The following PLCB4 variants were observed in gnomAD, a reference collection of about 807,000 sequenced individuals.
PLCB4 encodes the protein phospholipase C beta 4, also known as 1-phosphatidylinositol 4,5-bisphosphate phosphodiesterase beta-4.
A neutral mutation model predicts 178.8 loss-of-function variants in PLCB4; 77 were observed. The observed-to-expected ratio is 0.43, with a 90% CI of 0.36 to 0.52. PLCB4 has a LOEUF of 0.52. PLCB4 is among the 20% of genes least tolerant of loss of function. PLCB4 has a pLI of 0.00. For synonymous variants in PLCB4, 496 were observed against 490.8 expected (o/e 1.01, Z -0.14); for missense variants, 1,024 against 1,453.4 (o/e 0.70, Z 4.80).
At chr20:9,126,494 T>C (rs1055459886) in intron 2 of PLCB4, among the ~76,000 whole-genome samples, 1 of 152,234 alleles carries the variant, frequency 6.6e-6, no homozygotes, top group Admixed American at 6.5e-5. Flanking sequence ...GTAGATCGTA[T>C]ACTTCATATT....
chr20:9,320,234 C>T (rs1390866430), intron 4 of PLCB4, among the ~76,000 whole-genome samples: 1 of 152,190 alleles, frequency 6.6e-6, no homozygotes, highest in African/African-American at 2.4e-5. Context: ...ATTCCTGGAA[C>T]TGAGGGTTCC....
intron 4 of PLCB4, among the ~76,000 whole-genome samples, chr20:9,323,525 C>T (rs987776277): frequency 3.9e-5 from 6 of 152,186 alleles, no homozygotes; most frequent in African/African-American, 1.4e-4. Flanking sequence ...TTATCTGAGA[C>T]TGAAATTCAT....
chr20:9,317,958 G>A (rs1054587561), intron 4 of PLCB4, among the ~76,000 whole-genome samples: 1 of 151,986 alleles, frequency 6.6e-6, no homozygotes, highest in African/African-American at 2.4e-5. Flanking sequence ...AATTAGCTGG[G>A]CTTGGTTGCA....
intron 3 of PLCB4, among the ~76,000 whole-genome samples, chr20:9,232,507 C>A (rs1334073325): frequency 6.6e-6 from 1 of 152,068 alleles, no homozygotes; most frequent in Non-Finnish European, 1.5e-5. Context: ...AGAGTCTCAT[C>A]ATATTATATA....
intron 2 of PLCB4, among the ~76,000 whole-genome samples, chr20:9,105,143 C>A (rs1006053966): frequency 1.3e-5 from 2 of 152,010 alleles, no homozygotes; most frequent in Non-Finnish European, 2.9e-5. Context: ...ATTAAAATTG[C>A]TGGTTAGCCG....
intron 20 of PLCB4, among the ~76,000 whole-genome samples, chr20:9,402,674 A>G (rs894956382): frequency 3.3e-5 from 5 of 152,206 alleles, no homozygotes; most frequent in Admixed American, 6.5e-5. Flanking sequence ...CAGACAATGC[A>G]TCAGAGAGGA....
chr20:9,159,277 T>C (rs1466613684), intron 2 of PLCB4, among the ~76,000 whole-genome samples: 1 of 152,200 alleles, frequency 6.6e-6, no homozygotes, highest in Non-Finnish European at 1.5e-5. Context: ...CAGATACTTA[T>C]TGGTTGAAAC....
In PLCB4 at chr20:9,162,669, GT is replaced by G. The variant is rs748201514; in HGVS notation, c.-78-54714del. Reference sequence around the variant, plus strand: ...TCCTAGAATGTACAACATCCTCCATGTTTTTTTCTTTCTATAATTTACATTT... The same window carrying G: ...TCCTAGAATGTACAACATCCTCCATGTTTTTTCTTTCTATAATTTACATTT... On this transcript the variant is annotated intron_variant, in intron 2 of 39. Transcript: ENST00000378473. 3.3e-5 allele frequency among the ~76,000 whole-genome samples: 5 copies of G among 151,988 alleles called. No individual in the cohort carries two copies. In the East Asian group the frequency reaches 7.7e-4, roughly 24 times the overall value.
At chr20:9,436,493 A>G (rs2041779698) in intron 29 of PLCB4, among the ~76,000 whole-genome samples, 1 of 152,150 alleles carries the variant, frequency 6.6e-6, no homozygotes. Context: ...TTGGGACTAC[A>G]GATGCATGCC....
chr20:9,478,673 TA>T (rs2044715679), intron 39 of PLCB4, among the ~76,000 whole-genome samples: 1 of 152,172 alleles, frequency 6.6e-6, no homozygotes. Flanking sequence ...TTAATGTGTA[TA>T]AAAACTTCCT....
At chr20:9,315,182 A>T (rs1299956091) in intron 4 of PLCB4, among the ~76,000 whole-genome samples, 2 of 152,200 alleles carry the variant, frequency 1.3e-5, no homozygotes, top group Non-Finnish European at 2.9e-5. Flanking sequence ...GTGTATACTT[A>T]TATGAGTCTT....
chr20:9,454,312 G>C (rs994891439), intron 33 of PLCB4, among the ~76,000 whole-genome samples: 2 of 152,080 alleles, frequency 1.3e-5, no homozygotes, highest in South Asian at 4.2e-4. Flanking sequence ...TGGTTAAGCT[G>C]GTATCTTACA....
intron 3 of PLCB4, among the ~76,000 whole-genome samples, chr20:9,263,290 TCTAAAATTGACCACTAC>T (rs534117934): frequency 3.8e-4 from 58 of 152,290 alleles, no homozygotes; most frequent in African/African-American, 1.2e-3. Context: ...GCTGGAGTTC[TCTAAAATTGACCACTAC>T]CTAAAATTGA....
chr20:9,401,657 G>A, intron 20 of PLCB4, 67 bp downstream of exon 20: 2 of 1,040,146 alleles, frequency 1.9e-6, no homozygotes, highest in South Asian at 2.7e-5. Flanking sequence ...TTTTGGAAAT[G>A]TGAGAACCAC....
At chr20:9,182,576 G>A (rs2093265157) in intron 2 of PLCB4, among the ~76,000 whole-genome samples, 2 of 152,178 alleles carry the variant, frequency 1.3e-5, no homozygotes, top group Non-Finnish European at 2.9e-5. Context: ...TCAACAAATA[G>A]CAGGGCTGTA....
chr20:9,244,446 A>C (rs1018487392), intron 3 of PLCB4, among the ~76,000 whole-genome samples: 6 of 152,336 alleles, frequency 3.9e-5, no homozygotes, highest in African/African-American at 1.2e-4. Flanking sequence ...ATCAATTATG[A>C]CTAGTTACTT....
intron 7 of PLCB4, among the ~76,000 whole-genome samples, chr20:9,362,656 G>A (rs185923674): frequency 5.1e-4 from 78 of 152,248 alleles, no homozygotes; most frequent in African/African-American, 1.8e-3. Flanking sequence ...ATTCCTTTGT[G>A]GCAGCCCAGA....
intron 2 of PLCB4, among the ~76,000 whole-genome samples, chr20:9,119,902 TG>T (rs1433922059): frequency 6.6e-6 from 1 of 152,232 alleles, no homozygotes; most frequent in East Asian, 1.9e-4. Flanking sequence ...TTTTAGCATA[TG>T]ACAGCCTATT....
intron 1 of PLCB4, among the ~76,000 whole-genome samples, chr20:9,070,345 C>A (rs995621552): frequency 7.9e-5 from 12 of 152,042 alleles, no homozygotes; most frequent in African/African-American, 2.9e-4. Context: ...TAACTTTATT[C>A]TTTTATTGTT....
Sources: gnomAD v4.1 joint callset for allele counts (sites outside exome capture counted in the v4.1 genomes callset) on GRCh38, gnomAD v4.1.1 for gene constraint, MANE v1.5 for transcripts, NCBI Gene and HGNC (gene_info 2026-07-23, HGNC 2026-07-21) for gene names.